Variants in NECTIN1 observed in about 807,000 individuals in gnomAD.
The protein encoded by NECTIN1 is nectin cell adhesion molecule 1, also known as nectin-1.
A neutral mutation model predicts 48.0 loss-of-function variants in NECTIN1; 23 were observed. The observed-to-expected ratio is 0.48, with a 90% confidence interval of 0.34 to 0.68. The LOEUF is 0.68. NECTIN1 is among the 30% of genes least tolerant of loss of function. The pLI, the probability that NECTIN1 is intolerant of heterozygous loss-of-function variation, is 0.01. For synonymous variants in NECTIN1, 270 were observed against 288.9 expected (o/e 0.93, Z 0.66); for missense variants, 591 against 709.9 (o/e 0.83, Z 1.90).
intron 1 of NECTIN1, among the ~76,000 whole-genome samples, chr11:119,704,432 G>C (rs1236750744): frequency 6.6e-6 from 1 of 152,124 alleles, no homozygotes; most frequent in African/African-American, 2.4e-5. Flanking sequence ...GGCCAGGCTG[G>C]TCTAGAACTC....
chr11:119,728,103 C>T (rs1865944297), intron 1 of NECTIN1, among the ~76,000 whole-genome samples: 1 of 152,254 alleles, frequency 6.6e-6, no homozygotes, highest in Admixed American at 6.5e-5. Context: ...TCTCCCACCC[C>T]AAGACGGTGA....
At position 119,683,185 on chromosome 11, in the gene NECTIN1, G is replaced by A. The variant is rs565844809; in HGVS notation, c.80-4420C>T. On this transcript the variant is annotated intron_variant, in intron 1 of 5. Transcript: ENST00000264025. The surrounding 1 kb of genome is among the most constrained non-coding windows in gnomAD (Gnocchi z 4.0). ...CAGAACACATCCTGTCTCCTTTCCC[G>A]CAGGTTCCCTCTTACATGAGAAGCA... 3.3e-5 allele frequency among the ~76,000 whole-genome samples: 5 copies of A among 152,280 alleles called. No individual in the cohort carries two copies. The highest frequency in any genetic ancestry group is 3.9e-4 in the East Asian group (2 of 5,182).
In NECTIN1 at chr11:119,665,373, G is replaced by T; in HGVS notation, c.1004-76C>A. 1 of 1,495,990 alleles carries T rather than the reference G, an allele frequency of 6.7e-7. No homozygotes were observed. Among genetic ancestry groups the T allele is most frequent in the African/African-American group, 1.4e-5 (1 of 72,492 alleles). The allele number at this position is 1,495,990 out of a possible 1,614,324, so 92.7% of individuals were successfully genotyped here. ...GTGTAGAGGGGGTGGGAGGGAGGCA[G>T]GGAAAGGAGAGGCCAGGAAGGACAG... On this transcript the variant is annotated intron_variant, in intron 5 of 5. Coordinates refer to ENST00000264025, the MANE Select transcript of NECTIN1 (RefSeq NM_002855.5). This position sits in a 1 kb window ranked among gnomAD's most constrained non-coding sequence, Gnocchi z 5.1.
chr11:119,717,969 C>A (rs1192701003), intron 1 of NECTIN1, among the ~76,000 whole-genome samples: 2 of 152,234 alleles, frequency 1.3e-5, no homozygotes, highest in African/African-American at 4.8e-5. Context: ...AGAGGCCGCG[C>A]GGTAATTCAA....
intron 7 of NECTIN1, chr11:119,638,260 G>A: frequency 1.9e-6 from 3 of 1,613,804 alleles, no homozygotes; most frequent in Non-Finnish European, 2.5e-6. Context: ...GGAAGAGAAG[G>A]CGGTGAGTGC....
At chr11:119,717,546 C>A (rs372674157) in intron 1 of NECTIN1, among the ~76,000 whole-genome samples, 1 of 152,148 alleles carries the variant, frequency 6.6e-6, no homozygotes, top group Non-Finnish European at 1.5e-5. Context: ...TGGGCAATCA[C>A]GATAAAATAA....
intron 5 of NECTIN1, among the ~76,000 whole-genome samples, chr11:119,649,514 C>T (rs536509055): frequency 6.6e-6 from 1 of 151,964 alleles, no homozygotes; most frequent in Non-Finnish European, 1.5e-5. Flanking sequence ...ATGGTGAAAC[C>T]CCGTCTCTAC....
intron 5 of NECTIN1, among the ~76,000 whole-genome samples, chr11:119,667,108 G>A (rs1429095217): frequency 6.6e-6 from 1 of 152,164 alleles, no homozygotes; most frequent in East Asian, 1.9e-4. Flanking sequence ...CTGACCGCCT[G>A]TCTCCGCAGC....
chr11:119,644,851 CAG>C (rs767310653), intron 5 of NECTIN1, among the ~76,000 whole-genome samples: 1 of 151,878 alleles, frequency 6.6e-6, no homozygotes, highest in Non-Finnish European at 1.5e-5. Context: ...GACAAGGAAT[CAG>C]GGGGCTGGGA....
downstream of NECTIN1, among the ~76,000 whole-genome samples, chr11:119,660,104 G>GC (rs1199188030): frequency 5.3e-5 from 8 of 152,194 alleles, no homozygotes; most frequent in Non-Finnish European, 8.8e-5. Context: ...CCCACAATGG[G>GC]CAGGAGGGTT....
In NECTIN1 at chr11:119,663,358, G is replaced by A. The variant is rs1466185551; in HGVS notation, c.*1389C>T. 8 of 985,318 alleles carry A rather than the reference G, an allele frequency of 8.1e-6. No homozygotes were observed. The African/African-American group carries it at 1.2e-4, about 15-fold the overall frequency. 61.0% of individuals were successfully genotyped at this position (985,318 alleles called of 1,614,324 possible). On this transcript the variant is annotated 3_prime_UTR_variant, in exon 6 of 6. Transcript: ENST00000264025. ...TACATGGGAAGACCCAGTCTGGGGT[G>A]GCTGATAGGAACTCAATGTCCCATT...
intron 1 of NECTIN1, among the ~76,000 whole-genome samples, chr11:119,697,279 TA>T (rs11305736): frequency 1 from 152,221 of 152,222 alleles, 76,110 homozygotes; most frequent in Non-Finnish European, 1. Context: ...CTCAAGCAAT[TA>T]AAAAAATATG....
Position 119,678,714 on chromosome 11 carries a change from C to T in NECTIN1, c.131G>A (p.Gly44Asp). 6.2e-7 allele frequency: 1 copy of T among 1,613,590 alleles called. No individual in the cohort carries two copies. The highest frequency in any genetic ancestry group is 8.5e-7 in the Non-Finnish European group (1 of 1,179,864). ...GCTGCAGTGCAGAACCACGTCTGTG[C>T]CGATGAAGCCATACATGGAGTCGTT... ...QVNDSMYGFI[G>D]TDVVLHCSFA... Residue 44 changes from glycine to aspartate, a missense_variant, in exon 2 of 6, where the codon GGC (glycine) becomes GAC (aspartate). Physicochemically the swap from Gly to Asp is moderately conservative, Grantham distance 94 (BLOSUM62 -1). Coordinates refer to ENST00000264025, the MANE Select transcript of NECTIN1 (RefSeq NM_002855.5). This position sits in a 1 kb window ranked among gnomAD's most constrained non-coding sequence, Gnocchi z 4.4.
intron 5 of NECTIN1, chr11:119,674,514 T>TC (rs1565386263): frequency 1.2e-6 from 2 of 1,610,556 alleles, no homozygotes; most frequent in South Asian, 1.1e-5. Context: ...TTACAGATGG[T>TC]GGGGGGGGCC....
rs1178102760 is a variant in NECTIN1 at position 119,672,672 on chromosome 11, C to A, written c.1003+2487G>T. The stretch of plus-strand genomic sequence containing the variant: ...CCACGGTGCTTCCTGGCTGAGAGCC[C>A]TTCAGAGACTCCCTGTGGCCAACAG... On this transcript the variant is annotated intron_variant, in intron 5 of 5. Transcript: ENST00000264025. The surrounding 1 kb of genome is among the most constrained non-coding windows in gnomAD (Gnocchi z 4.3). Among the ~76,000 whole-genome samples the A allele has an allele frequency of 6.6e-6, 1 of 152,178 alleles. No homozygotes were observed. The highest frequency in any genetic ancestry group is 1.5e-5 in the Non-Finnish European group (1 of 68,020).
intron 5 of NECTIN1, among the ~76,000 whole-genome samples, chr11:119,649,221 A>C (rs1386340448): frequency 6.6e-6 from 1 of 152,128 alleles, no homozygotes; most frequent in Non-Finnish European, 1.5e-5. Context: ...TCAACTAAAC[A>C]CACAAAAAAA....
At chr11:119,670,840 C>T (rs1170536178) in intron 5 of NECTIN1, among the ~76,000 whole-genome samples, 5 of 151,644 alleles carry the variant, frequency 3.3e-5, no homozygotes, top group Admixed American at 1.3e-4. Flanking sequence ...GGTTTCACAA[C>T]GTTGGCCAGG....
intron 1 of NECTIN1, among the ~76,000 whole-genome samples, chr11:119,696,248 G>C (rs1449744336): frequency 6.6e-6 from 1 of 152,220 alleles, no homozygotes; most frequent in African/African-American, 2.4e-5. Context: ...CCAGCCCAAA[G>C]GTAAAAGTCT....
intron 6 of NECTIN1, chr11:119,639,362 G>A (rs909892036): frequency 1.5e-5 from 3 of 199,284 alleles, no homozygotes; most frequent in African/African-American, 4.7e-5. Context: ...CAATGTGGAC[G>A]TTTTGTTCAT....
Sources: allele counts gnomAD v4.1 joint callset (sites outside exome capture counted in the v4.1 genomes callset), GRCh38; gene constraint gnomAD v4.1.1; non-coding constraint Gnocchi (gnomAD v3.1); transcripts MANE v1.5; gene names NCBI Gene and HGNC (gene_info 2026-07-23, HGNC 2026-07-21).